Variants in ASIC2 observed in about 807,000 individuals in gnomAD.
ASIC2 encodes the protein acid-sensing ion channel 2.
ASIC2 carries 25 observed loss-of-function variants against 57.3 expected under a neutral mutation model. The observed-to-expected ratio is 0.44, with a 90% confidence interval of 0.32 to 0.61. The LOEUF (loss-of-function observed/expected upper bound fraction) is 0.61, where lower values mean the gene tolerates loss of function less well. Ranked by LOEUF, ASIC2 falls within the 20% of genes least tolerant of loss-of-function variation. ASIC2 has a pLI of 0.06. For missense variants in ASIC2, 641 were observed against 738.1 expected (o/e 0.87, Z 1.52); for synonymous variants, 319 against 307.5 (o/e 1.04, Z -0.39).
chr17:33,801,266 C>G (rs186763358), intron 1 of ASIC2, among the ~76,000 whole-genome samples: 1 of 152,274 alleles, frequency 6.6e-6, no homozygotes, highest in African/African-American at 2.4e-5. Context: ...AAGTCGCCAT[C>G]AAGTGAGAAA....
chr17:33,498,242 AG>A (rs573866038), intron 1 of ASIC2, among the ~76,000 whole-genome samples: 30 of 152,360 alleles, frequency 2.0e-4, no homozygotes, highest in African/African-American at 7.0e-4. Flanking sequence ...CGCTCCCACC[AG>A]GAACTGTTGA....
chr17:33,894,342 CGTGCGTGCGTGTGT>C (rs1915037621), intron 1 of ASIC2, among the ~76,000 whole-genome samples: 1 of 65,242 alleles, frequency 1.5e-5, no homozygotes, highest in South Asian at 4.1e-4. Flanking sequence ...TGCGTGCGTG[CGTGCGTGCGTGTGT>C]GTGTGTGTGT....
intron 2 of ASIC2, among the ~76,000 whole-genome samples, chr17:33,103,698 C>T (rs1330859833): frequency 6.6e-6 from 1 of 152,152 alleles, no homozygotes. Context: ...AAGGGATCCC[C>T]TCAAACTTCT....
intron 1 of ASIC2, among the ~76,000 whole-genome samples, chr17:33,916,770 G>C (rs569180398): frequency 6.6e-6 from 1 of 152,318 alleles, no homozygotes; most frequent in South Asian, 2.1e-4. Context: ...ACTAGCAGAG[G>C]AGTGAAAGTC....
intron 1 of ASIC2, among the ~76,000 whole-genome samples, chr17:33,660,094 C>T (rs982111389): frequency 2.0e-5 from 3 of 151,216 alleles, no homozygotes; most frequent in South Asian, 4.2e-4. Flanking sequence ...AAAAACAAAA[C>T]GAAACAAAAA....
chr17:33,107,815 A>G (rs1267205099), intron 2 of ASIC2, among the ~76,000 whole-genome samples: 1 of 152,182 alleles, frequency 6.6e-6, no homozygotes, highest in African/African-American at 2.4e-5. Flanking sequence ...TTATCCCCAG[A>G]AGAGTGGTTC....
chr17:33,422,516 C>T (rs144452565), intron 1 of ASIC2, among the ~76,000 whole-genome samples: 41 of 152,278 alleles, frequency 2.7e-4, no homozygotes, highest in African/African-American at 9.1e-4. Context: ...GCAATGCCAT[C>T]GTAGAGTGAG....
chr17:33,666,403 C>A (rs1008274811), intron 1 of ASIC2, among the ~76,000 whole-genome samples: 1 of 152,080 alleles, frequency 6.6e-6, no homozygotes, highest in South Asian at 2.1e-4. Context: ...TGCAGCGGGC[C>A]GAGCACCAAA....
chr17:33,680,920 G>A (rs1211394158), intron 1 of ASIC2: 1 of 152,238 alleles, frequency 6.6e-6, no homozygotes, highest in Non-Finnish European at 1.5e-5. Flanking sequence ...CTCCCAAATT[G>A]TGCAAGCTTC....
In ASIC2 at chr17:34,091,114, G is replaced by A. The variant is rs572548671; in HGVS notation, c.555+64864C>T. Among the ~76,000 whole-genome samples the A allele has an allele frequency of 5.3e-5, 8 of 152,298 alleles. No homozygotes were observed. In the East Asian group the frequency reaches 1.5e-3, roughly 29 times the overall value. On this transcript the variant is annotated intron_variant, in intron 1 of 9. Transcript: ENST00000359872. ...TCTATTCAAGAATATTCTTCAATGA[G>A]ATACCAACTCCAGTCCCTGAAGATC... is the stretch of plus-strand genomic sequence containing the variant.
At chr17:33,860,002 A>G (rs897922611) in intron 1 of ASIC2, among the ~76,000 whole-genome samples, 1 of 152,210 alleles carries the variant, frequency 6.6e-6, no homozygotes, top group East Asian at 1.9e-4. Context: ...TATATGCCAT[A>G]TATTTCTCAC....
At chr17:34,043,115 G>A (rs985197253) in intron 1 of ASIC2, among the ~76,000 whole-genome samples, 5 of 152,186 alleles carry the variant, frequency 3.3e-5, no homozygotes, top group Non-Finnish European at 7.3e-5. Context: ...GAAATTAAGA[G>A]AGCATTGACT....
chr17:33,836,208 C>T (rs1180881113), intron 1 of ASIC2, among the ~76,000 whole-genome samples: 1 of 149,934 alleles, frequency 6.7e-6, no homozygotes, highest in Non-Finnish European at 1.5e-5. Context: ...ACCTCTACCT[C>T]CTGGGTTCAA....
chr17:33,239,682 C>G (rs531619032), intron 1 of ASIC2, among the ~76,000 whole-genome samples: 1 of 152,306 alleles, frequency 6.6e-6, no homozygotes, highest in East Asian at 1.9e-4. Flanking sequence ...CCCTGCCCCC[C>G]ACACAAAAGT....
At chr17:33,512,252 C>T (rs1914450885) in intron 1 of ASIC2, among the ~76,000 whole-genome samples, 1 of 152,168 alleles carries the variant, frequency 6.6e-6, no homozygotes. Flanking sequence ...CAGTGCTCCT[C>T]AAGATTTCCT....
At chr17:33,578,317 T>G (rs185835698) in intron 1 of ASIC2, among the ~76,000 whole-genome samples, 1 of 152,306 alleles carries the variant, frequency 6.6e-6, no homozygotes, top group East Asian at 1.9e-4. Context: ...TTTCTAATCC[T>G]GGTAGTAACT....
intron 1 of ASIC2, among the ~76,000 whole-genome samples, chr17:33,588,965 A>G (rs1272333952): frequency 6.6e-6 from 1 of 152,260 alleles, no homozygotes; most frequent in Non-Finnish European, 1.5e-5. Flanking sequence ...AGAATCAGAT[A>G]AATTTAAGAA....
intron 1 of ASIC2, among the ~76,000 whole-genome samples, chr17:33,971,507 C>T (rs1905228892): frequency 6.6e-6 from 1 of 152,120 alleles, no homozygotes; most frequent in Non-Finnish European, 1.5e-5. Flanking sequence ...CTGTCCCTGC[C>T]CTCCCATTCA....
At position 33,766,043 on chromosome 17, in the gene ASIC2, C is replaced by A. The variant is rs544787600; in HGVS notation, c.555+389935G>T. 4.7e-4 allele frequency among the ~76,000 whole-genome samples: 72 copies of A among 152,258 alleles called. 1 individual carries two copies. Among genetic ancestry groups the A allele is most frequent in the Admixed American group, 4.4e-3 (68 of 15,300 alleles). On this transcript the variant is annotated intron_variant, in intron 1 of 9. Coordinates refer to the ASIC2 transcript ENST00000359872. ...TGTCTTGCCATTGCAGGTGGCTTAGCATATAATGGTCCCTCTTTATTGGAG... is the reference window on the plus strand; with the variant it reads ...TGTCTTGCCATTGCAGGTGGCTTAGAATATAATGGTCCCTCTTTATTGGAG...
Sources: gnomAD v4.1 joint callset for allele counts (sites outside exome capture counted in the v4.1 genomes callset) on GRCh38, gnomAD v4.1.1 for gene constraint, MANE v1.5 for transcripts, NCBI Gene and HGNC (gene_info 2026-07-23, HGNC 2026-07-21) for gene names.